DCDC1: variants seen among roughly 807,000 people sequenced by gnomAD.
DCDC1 encodes doublecortin domain-containing protein 1.
DCDC1 carries 200 observed loss-of-function variants against 178.3 expected under a neutral mutation model. The ratio of observed to expected loss-of-function variants is 1.12; its 90% CI spans 1.00 to 1.26. The LOEUF (loss-of-function observed/expected upper bound fraction) is 1.26, where lower values mean the gene tolerates loss of function less well. DCDC1 is among the 50% of genes most tolerant of loss of function. The probability of loss-of-function intolerance (pLI) is 0.00; values close to 1 mark genes in which losing one functional copy is unlikely to be tolerated. For synonymous variants in DCDC1, 690 were observed against 604.8 expected (o/e 1.14, Z -2.07); for missense variants, 1,983 against 1,749.2 (o/e 1.13, Z -2.38).
intron 3 of DCDC1, among the ~76,000 whole-genome samples, chr11:31,310,135 G>C (rs1948682015): frequency 1.3e-5 from 2 of 151,696 alleles, no homozygotes; most frequent in Non-Finnish European, 2.9e-5. Flanking sequence ...TAAATATATG[G>C]TTCAACTATA....
chr11:31,104,175 C>T (rs893767713), intron 13 of DCDC1, among the ~76,000 whole-genome samples: 3 of 152,042 alleles, frequency 2.0e-5, no homozygotes, highest in African/African-American at 7.2e-5. Flanking sequence ...TTTCTGTGAG[C>T]TCACTAAATG....
intron 18 of DCDC1, among the ~76,000 whole-genome samples, chr11:31,073,005 C>T (rs1406209491): frequency 6.6e-6 from 1 of 152,106 alleles, no homozygotes. Context: ...ATAACATGAG[C>T]TCCATTTATG....
chr11:31,262,749 T>C lies in DCDC1; in HGVS notation c.1054+2758A>G, dbSNP rs1591575803. 2.4e-5 allele frequency: 6 copies of C among 249,136 alleles called. No homozygotes were observed. In the South Asian group the frequency reaches 8.7e-4, roughly 36 times the overall value. 15.4% of individuals were successfully genotyped at this position (249,136 alleles called of 1,614,324 possible). ...ACAAAAGTTTAGGGATCTCAATCAT[T>C]TGATGCACAACATCATAGAAACAAA... On this transcript the variant is annotated intron_variant, in intron 8 of 38. Coordinates refer to ENST00000684477, the MANE Select transcript of DCDC1 (RefSeq NM_001387274.1).
intron 36 of DCDC1, among the ~76,000 whole-genome samples, chr11:30,886,604 G>A (rs1374862390): frequency 1.3e-5 from 2 of 152,004 alleles, no homozygotes; most frequent in Non-Finnish European, 2.9e-5. Context: ...CTTCTTATAA[G>A]GCCATTAATT....
chr11:31,175,652 G>C lies in DCDC1; in HGVS notation c.1222-37868C>G, dbSNP rs547770282. Among the ~76,000 whole-genome samples, 6 of 152,308 alleles carry C rather than the reference G, an allele frequency of 3.9e-5. No individual in the cohort carries two copies. The East Asian group carries it at 9.6e-4, about 24-fold the overall frequency. On this transcript the variant is annotated intron_variant, in intron 9 of 38. Transcript: ENST00000684477. ...CAACAGGAACCATCACTTCCCCAGAGAGCCCTCCAGACATCCTATCAACCT... is the reference window on the plus strand; with the variant it reads ...CAACAGGAACCATCACTTCCCCAGACAGCCCTCCAGACATCCTATCAACCT...
intron 6 of DCDC1, among the ~76,000 whole-genome samples, chr11:31,292,298 T>C (rs947718565): frequency 3.3e-5 from 5 of 152,102 alleles, no homozygotes; most frequent in African/African-American, 1.2e-4. Flanking sequence ...GATACTCAAG[T>C]AAGTACATGA....
intron 16 of DCDC1, among the ~76,000 whole-genome samples, chr11:31,092,332 T>G (rs1307481973): frequency 6.6e-6 from 1 of 152,238 alleles, no homozygotes; most frequent in African/African-American, 2.4e-5. Flanking sequence ...AAAATTGGTT[T>G]TAGTAAGTAC....
At chr11:31,048,128 A>G (rs1249590557) in intron 20 of DCDC1, among the ~76,000 whole-genome samples, 1 of 152,198 alleles carries the variant, frequency 6.6e-6, no homozygotes, top group Non-Finnish European at 1.5e-5. Context: ...TACAGTGAGT[A>G]CTTAGGAGAG....
At chr11:31,093,300 G>A (rs963557818) in intron 16 of DCDC1, among the ~76,000 whole-genome samples, 11 of 152,214 alleles carry the variant, frequency 7.2e-5, no homozygotes, top group East Asian at 1.9e-4. Context: ...TTTCATTTGC[G>A]AAAATAGTGT....
At chr11:31,014,208 T>C (rs1952345516) in intron 20 of DCDC1, among the ~76,000 whole-genome samples, 1 of 151,164 alleles carries the variant, frequency 6.6e-6, no homozygotes. Flanking sequence ...TCTCTCTTTC[T>C]CTCTCTCTCT....
At chr11:31,140,855 A>C (rs1355893059) in intron 9 of DCDC1, among the ~76,000 whole-genome samples, 1 of 152,194 alleles carries the variant, frequency 6.6e-6, no homozygotes, top group Non-Finnish European at 1.5e-5. Context: ...AGTTTACTTA[A>C]AACTATTAAT....
intron 17 of DCDC1, among the ~76,000 whole-genome samples, chr11:31,078,890 T>C (rs1957013456): frequency 6.7e-6 from 1 of 149,848 alleles, no homozygotes; most frequent in Non-Finnish European, 1.5e-5. Flanking sequence ...GATTTCTATG[T>C]GTGTGGTTAA....
At chr11:31,014,950 C>CTTTT (rs1240423918) in intron 20 of DCDC1, among the ~76,000 whole-genome samples, 1 of 141,304 alleles carries the variant, frequency 7.1e-6, no homozygotes, top group Non-Finnish European at 1.6e-5. Flanking sequence ...TTCTCCTTTT[C>CTTTT]TTTTTTTTTT....
At position 30,955,023 on chromosome 11, in the gene DCDC1, T is replaced by G. The variant is rs534675774; in HGVS notation, c.2592-2455A>C. Among the ~76,000 whole-genome samples, 6 of 152,324 alleles carry G rather than the reference T, an allele frequency of 3.9e-5. No individual in the cohort carries two copies. The South Asian group carries it at 1.2e-3, about 32-fold the overall frequency. On this transcript the variant is annotated intron_variant, in intron 20 of 38. Transcript: ENST00000684477. ...GTTATTGGAATATTAGCGAACAACT[T>G]CAGAAGGCGGTAAGCTCCTACAACT...
chr11:31,313,972 T>C (rs779884060), intron 3 of DCDC1, among the ~76,000 whole-genome samples: 13 of 152,180 alleles, frequency 8.5e-5, no homozygotes, highest in Non-Finnish European at 1.3e-4. Context: ...ATGTCTCTAC[T>C]GCAAATTTTT....
intron 8 of DCDC1, among the ~76,000 whole-genome samples, chr11:31,246,508 T>C (rs1222008872): frequency 6.6e-6 from 1 of 151,902 alleles, no homozygotes; most frequent in South Asian, 2.1e-4. Context: ...AAGTCTTCTT[T>C]GGTCAAAACA....
chr11:31,031,483 GC>G (rs1248509971), intron 20 of DCDC1, among the ~76,000 whole-genome samples: 1 of 151,916 alleles, frequency 6.6e-6, no homozygotes, highest in Admixed American at 6.6e-5. Flanking sequence ...AATTTTTAAA[GC>G]TTTTATAATG....
chr11:30,920,834 C>A lies in DCDC1; in HGVS notation c.3235G>T (p.Glu1079Ter). Residue 1079 changes from glutamate (E) to a stop codon, truncating the protein, a stop_gained, in exon 25 of 39, where the codon GAA becomes TAA. Transcript: ENST00000684477. LOFTEE classifies it high-confidence loss of function. Reference protein sequence around the residue: ...FGEEKQVTEPEEKQMQEDPLT... With the variant: ...FGEEKQVTEP The stretch of plus-strand genomic sequence containing the variant: ...GGATCTTCTTGCATTTGCTTTTCTT[C>A]CGGTTCTGTAACTTGCTTCTCTTCT... 1 of 1,613,648 alleles carries A rather than the reference C, an allele frequency of 6.2e-7. No homozygotes were observed. Among genetic ancestry groups the A allele is most frequent in the African/African-American group, 1.3e-5 (1 of 75,048 alleles).
At chr11:30,879,599 C>T (rs976226245) in intron 37 of DCDC1, among the ~76,000 whole-genome samples, 2 of 152,160 alleles carry the variant, frequency 1.3e-5, no homozygotes, top group African/African-American at 4.8e-5. Context: ...AACTTTCATA[C>T]GATGGTAATC....
Sources: gnomAD v4.1 joint callset for allele counts (sites outside exome capture counted in the v4.1 genomes callset) on GRCh38, gnomAD v4.1.1 for gene constraint, MANE v1.5 for transcripts, NCBI Gene and HGNC (gene_info 2026-07-23, HGNC 2026-07-21) for gene names.